Variants in ATR observed in about 807,000 individuals in gnomAD.
ATR encodes the protein ATR checkpoint kinase, also known as serine/threonine-protein kinase ATR.
ATR carries 142 observed loss-of-function variants against 305.3 expected under a neutral mutation model. The ratio of observed to expected loss-of-function variants is 0.47; its 90% CI spans 0.41 to 0.53. ATR has a LOEUF of 0.53. ATR is among the 20% of genes least tolerant of loss of function. The pLI is 0.00. For synonymous variants in ATR, 1,050 were observed against 1,068.1 expected, an observed-to-expected ratio of 0.98 and a Z score of 0.33; for missense variants, 2,135 against 3,133.1, an observed-to-expected ratio of 0.68 and a Z score of 7.60.
At chr3:142,489,040 A>G (rs1260225302) in intron 35 of ATR, among the ~76,000 whole-genome samples, 1 of 152,170 alleles carries the variant, frequency 6.6e-6, no homozygotes, top group Non-Finnish European at 1.5e-5. Flanking sequence ...TGATATCTTT[A>G]AAAATTTTAG....
At chr3:142,498,851 G>A (rs1414466748) in intron 31 of ATR, 77 bp from the exon 32 acceptor site, 1 of 1,423,232 alleles carries the variant, frequency 7.0e-7, no homozygotes, top group South Asian at 1.2e-5. Flanking sequence ...TAGATAAAAT[G>A]GTCAGCTGAA....
chr3:142,522,840 G>T lies in ATR; in HGVS notation c.4154C>A (p.Thr1385Asn). ...ETQGKDFTFV[T>N]GVEDSSFAYG... is the part of the protein sequence containing the mutation. ...GGCAAAGCTTGAATCTTCTACTCCAGTCTCAATCAGAAAAAAAAAAAAGAA... is the reference window on the plus strand; with the variant it reads ...GGCAAAGCTTGAATCTTCTACTCCATTCTCAATCAGAAAAAAAAAAAAGAA... Residue 1385 changes from threonine to asparagine, a missense_variant and splice_region_variant, in exon 23 of 47, where the codon ACT becomes AAT. Thr to Asn is a moderately conservative substitution (Grantham distance 65, BLOSUM62 0). Transcript: ENST00000350721. The T allele has an allele frequency of 1.3e-6, 2 of 1,590,756 alleles. No homozygotes were observed. Among genetic ancestry groups the T allele is most frequent in the Non-Finnish European group, 1.7e-6 (2 of 1,160,422 alleles).
At chr3:142,543,133 C>T (rs2034117424) in intron 16 of ATR, among the ~76,000 whole-genome samples, 1 of 152,046 alleles carries the variant, frequency 6.6e-6, no homozygotes, top group African/African-American at 2.4e-5. Flanking sequence ...AAGGGACTGC[C>T]CTTATTCTAT....
chr3:142,523,042 T>C (rs1325880985), intron 22 of ATR, among the ~76,000 whole-genome samples: 1 of 152,182 alleles, frequency 6.6e-6, no homozygotes, highest in Non-Finnish European at 1.5e-5. Context: ...TGTAAAGCTT[T>C]TTAGGCTATT....
chr3:142,469,505 C>T lies in ATR; in HGVS notation c.6384G>A (p.Glu2128=), dbSNP rs2108279402. The T allele has an allele frequency of 1.2e-6, 2 of 1,613,906 alleles. No individual in the cohort carries two copies. The highest frequency in any genetic ancestry group is 8.5e-7 in the Non-Finnish European group (1 of 1,179,900). ...DLGKINKVIT[E]HTNYLAPYQF... ...GATATGGAGCTAAATAGTTTGTATG[C>T]TCTGTGATAACCTTGTTTATTTTAC... Residue 2128 remains glutamate, a synonymous_variant, in exon 38 of 47, where the codon GAG becomes GAA. Coordinates refer to ENST00000350721, the MANE Select transcript of ATR (RefSeq NM_001184.4).
At chr3:142,488,113 G>T (rs2031060327) in intron 35 of ATR, among the ~76,000 whole-genome samples, 1 of 152,114 alleles carries the variant, frequency 6.6e-6, no homozygotes. Flanking sequence ...AGGGTGAGGG[G>T]GAGAGTGAGG....
rs1577648069 is a variant in ATR at position 142,532,699 on chromosome 3, C to T, written c.3945+2381G>A. Among the ~76,000 whole-genome samples the T allele has an allele frequency of 2.6e-5, 4 of 152,328 alleles. No individual in the cohort carries two copies. In the South Asian group the frequency reaches 8.3e-4, roughly 32 times the overall value. On this transcript the variant is annotated intron_variant, in intron 21 of 46. Transcript: ENST00000350721. ...CCTCTTGGAATTTGCTTTGTTGCTA[C>T]ATTACACCCAATCATTTGTTTAGCC...
At chr3:142,475,724 C>A (rs558483528) in intron 36 of ATR, among the ~76,000 whole-genome samples, 1,671 of 152,224 alleles carry the variant, frequency 0.011, 14 homozygotes, top group Non-Finnish European at 0.016. Context: ...ACAGTGTAAA[C>A]GTGTTCCTAT....
chr3:142,478,733 T>C (rs1354322031), intron 36 of ATR, among the ~76,000 whole-genome samples: 1 of 152,202 alleles, frequency 6.6e-6, no homozygotes. Flanking sequence ...CTAAGTCTCT[T>C]TGTGGGTCTC....
At chr3:142,568,430 T>C (rs148206417) in intron 1 of ATR, among the ~76,000 whole-genome samples, 2 of 152,336 alleles carry the variant, frequency 1.3e-5, no homozygotes, top group African/African-American at 4.8e-5. Context: ...TAGGGAGAAC[T>C]TGAAATGTGA....
At chr3:142,450,352 A>C in intron 46 of ATR, 1 of 1,295,262 alleles carries the variant, frequency 7.7e-7, no homozygotes. Flanking sequence ...CAGTTCATTC[A>C]AGACAGTGTT....
chr3:142,561,430 A>C lies in ATR; in HGVS notation c.1171-9T>G. Reference sequence around the variant, plus strand: ...AGTGGGCCCAACAAGTACTGAGAAAATAAAAAATAATTTCCAGAAATATTC... The same window carrying C: ...AGTGGGCCCAACAAGTACTGAGAAACTAAAAAATAATTTCCAGAAATATTC... On this transcript the variant is annotated splice_polypyrimidine_tract_variant and intron_variant, in intron 4 of 46. Transcript: ENST00000350721. 6.2e-7 allele frequency: 1 copy of C among 1,608,362 alleles called. No homozygotes were observed. Among genetic ancestry groups the C allele is most frequent in the Non-Finnish European group, 8.5e-7 (1 of 1,176,094 alleles).
At chr3:142,525,139 C>T (rs189651165) in intron 21 of ATR, among the ~76,000 whole-genome samples, 15 of 152,198 alleles carry the variant, frequency 9.9e-5, no homozygotes, top group Admixed American at 5.9e-4. Context: ...ACATACACAC[C>T]CTGGTAATCA....
rs2108278477 is a variant in ATR, at chr3:142,469,337, C to T, written c.6552G>A (p.Lys2184=). 1 of 1,611,014 alleles carries T rather than the reference C, an allele frequency of 6.2e-7. No homozygotes were observed. The highest frequency in any genetic ancestry group is 8.5e-7 in the Non-Finnish European group (1 of 1,177,740). The change falls in exon 38 of 47, where the codon AAG becomes AAA. Residue 2184 remains lysine (K), a splice_region_variant and synonymous_variant. Transcript: ENST00000350721. ...ATAAAAAGGTAAAAGACCCTTTTAC[C>T]TTTGACACAGCTGTCATCATCCACA... ...QAMWMMTAVS[K]SSYPMRVNRC...
intron 7 of ATR, 119 bp downstream of exon 7, chr3:142,559,132 T>TTTAATAG: frequency 9.1e-7 from 1 of 1,100,674 alleles, no homozygotes; most frequent in South Asian, 1.6e-5. Flanking sequence ...AGAACTGAAA[T>TTTAATAG]CAGGAAAAAA....
intron 1 of ATR, among the ~76,000 whole-genome samples, 155 bp from the exon 2 acceptor site, chr3:142,568,309 T>C (rs1236115823): frequency 6.6e-6 from 1 of 152,158 alleles, no homozygotes; most frequent in East Asian, 1.9e-4. Context: ...AATCTGAATA[T>C]GTTACCAACT....
At chr3:142,553,764 TA>T (rs751357854) in intron 11 of ATR, 24 bp from the exon 12 acceptor site, 1 of 1,610,096 alleles carries the variant, frequency 6.2e-7, no homozygotes, top group South Asian at 1.1e-5. Flanking sequence ...ATTAACTGGT[TA>T]AAGAAATTTT....
chr3:142,514,856 A>G (rs2032791782), intron 25 of ATR, among the ~76,000 whole-genome samples: 1 of 151,704 alleles, frequency 6.6e-6, no homozygotes. Context: ...CAAAAATTGT[A>G]AATTTTAAAT....
intron 29 of ATR, among the ~76,000 whole-genome samples, chr3:142,504,015 T>C (rs942289205): frequency 5.9e-5 from 9 of 152,216 alleles, no homozygotes; most frequent in African/African-American, 1.9e-4. Flanking sequence ...AAGAGGATTA[T>C]GTACTATCCT....
Sources: gnomAD v4.1 joint callset for allele counts (sites outside exome capture counted in the v4.1 genomes callset) on GRCh38, gnomAD v4.1.1 for gene constraint, MANE v1.5 for transcripts, NCBI Gene and HGNC (gene_info 2026-07-23, HGNC 2026-07-21) for gene names.